DNAH6: variants seen among roughly 807,000 people sequenced by gnomAD.
The protein encoded by DNAH6 is dynein axonemal heavy chain 6.
In DNAH6, 340 loss-of-function variants were observed where a neutral mutation model predicts 491.4. The ratio of observed to expected loss-of-function variants is 0.69; its 90% CI spans 0.63 to 0.76. The LOEUF is 0.76. Ranked by LOEUF, DNAH6 falls within the 30% of genes least tolerant of loss-of-function variation. The pLI, the probability that DNAH6 is intolerant of heterozygous loss-of-function variation, is 0.00. For missense variants in DNAH6, 4,443 were observed against 4,972.2 expected (o/e 0.89, Z 3.20); for synonymous variants, 1,603 against 1,686.1 (o/e 0.95, Z 1.21).
At chr2:84,709,147 G>C (rs1296508113) in intron 54 of DNAH6, among the ~76,000 whole-genome samples, 196 bp from the exon 55 acceptor site, 3 of 152,172 alleles carry the variant, frequency 2.0e-5, no homozygotes, top group African/African-American at 7.2e-5. Flanking sequence ...TCTAACTAAT[G>C]GTATAGTCAG....
intron 16 of DNAH6, among the ~76,000 whole-genome samples, chr2:84,591,891 A>G (rs1684152383): frequency 6.6e-6 from 1 of 152,212 alleles, no homozygotes; most frequent in African/African-American, 2.4e-5. Flanking sequence ...AAGGAACTGG[A>G]TATTCATATG....
At chr2:84,475,656 A>G in the DNAH6 span, among the ~76,000 whole-genome samples, 1 of 152,198 alleles carries the variant, frequency 6.6e-6, no homozygotes, top group Non-Finnish European at 1.5e-5. Context: ...TAATATATTC[A>G]GTTAAATGAG....
chr2:84,787,304 T>C lies in DNAH6; in HGVS notation c.11239+2T>C, dbSNP rs919764891. Reference sequence around the variant, plus strand: ...GGGATGCACTAATTTACATTACTGGTGAGTACGTCCTTGTGGCCAGGCCTT... The same window carrying C: ...GGGATGCACTAATTTACATTACTGGCGAGTACGTCCTTGTGGCCAGGCCTT... On this transcript the variant is annotated splice_donor_variant, in intron 68 of 76. Transcript: ENST00000389394. LOFTEE classifies it high-confidence loss of function. 1.9e-6 allele frequency: 3 copies of C among 1,548,248 alleles called. No individual in the cohort carries two copies. The highest frequency in any genetic ancestry group is 8.7e-7 in the Non-Finnish European group (1 of 1,145,574).
intron 30 of DNAH6, 127 bp downstream of exon 30, chr2:84,634,768 C>CT: frequency 8.5e-7 from 1 of 1,174,352 alleles, no homozygotes; most frequent in Non-Finnish European, 1.1e-6. Flanking sequence ...CCCAAGGGGA[C>CT]CTTGGCTCTC....
At chr2:84,575,372 T>A (rs1375019009) in intron 12 of DNAH6, among the ~76,000 whole-genome samples, 5 of 152,210 alleles carry the variant, frequency 3.3e-5, no homozygotes, top group Admixed American at 3.3e-4. Context: ...CATTTACTAA[T>A]AATTTCTACA....
Position 84,745,204 on chromosome 2 carries a change from T to C in DNAH6, c.10467T>C (p.Ser3489=). The change falls in exon 63 of 77, where the codon AGT becomes AGC. Residue 3489 remains serine (S), a synonymous_variant. Transcript: ENST00000389394. ...AAGATCCATGGAGTGCAGGATTGAGTTCTTTCCATAAGCTAATTCTTATTA... is the reference window on the plus strand; with the variant it reads ...AAGATCCATGGAGTGCAGGATTGAGCTCTTTCCATAAGCTAATTCTTATTA... ...AHQDPWSAGL[S]SFHKLILIKC... is the part of the protein sequence containing the mutation. 6.5e-7 allele frequency: 1 copy of C among 1,537,676 alleles called. No individual in the cohort carries two copies. Among genetic ancestry groups the C allele is most frequent in the Non-Finnish European group, 8.8e-7 (1 of 1,141,792 alleles).
intron 12 of DNAH6, among the ~76,000 whole-genome samples, chr2:84,575,740 C>T (rs1306143064): frequency 2.0e-5 from 3 of 152,088 alleles, no homozygotes; most frequent in Non-Finnish European, 4.4e-5. Flanking sequence ...AAAAATTAGC[C>T]GGGTGTGGTG....
Position 84,713,114 on chromosome 2 carries a change from CA to C in DNAH6, c.9399del (p.Ala3134LeufsTer2). ...LLEELKETLD[P>X]ALEPILLKQI... is the part of the protein sequence containing the mutation. ...TCTAAGCTTAAGGAAACCTTGGATC[CA>C]GCTCTAGAACCCATTCTTTTGAAAC... On this transcript the variant is annotated frameshift_variant, in exon 57 of 77. Coordinates refer to ENST00000389394, the MANE Select transcript of DNAH6 (RefSeq NM_001370.2). LOFTEE classifies it high-confidence loss of function. The C allele has an allele frequency of 6.4e-7, 1 of 1,550,546 alleles. No homozygotes were observed. Among genetic ancestry groups the C allele is most frequent in the South Asian group, 1.2e-5 (1 of 83,870 alleles).
intron 22 of DNAH6, among the ~76,000 whole-genome samples, chr2:84,615,932 A>T (rs1573231887): frequency 1.3e-5 from 2 of 152,032 alleles, no homozygotes. Flanking sequence ...TTCATTGATC[A>T]GGTCTAGGAG....
intron 15 of DNAH6, 128 bp downstream of exon 15, chr2:84,584,378 C>T (rs1010108193): frequency 5.7e-5 from 54 of 951,210 alleles, no homozygotes; most frequent in Middle Eastern, 6.6e-4. Context: ...TTTTGATATA[C>T]GTATACATTG....
intron 63 of DNAH6, among the ~76,000 whole-genome samples, chr2:84,746,191 G>A (rs902489063): frequency 6.6e-6 from 1 of 152,192 alleles, no homozygotes; most frequent in Non-Finnish European, 1.5e-5. Flanking sequence ...ATATGAATTA[G>A]AAATAGAGAT....
chr2:84,777,629 G>A (rs1676271533), intron 64 of DNAH6: 2 of 804,192 alleles, frequency 2.5e-6, no homozygotes, highest in Admixed American at 1.7e-5. Context: ...GGAGACATCA[G>A]CAACATTCAC....
At chr2:84,551,932 C>CA (rs2104562533) in intron 9 of DNAH6, among the ~76,000 whole-genome samples, 1 of 152,100 alleles carries the variant, frequency 6.6e-6, no homozygotes, top group South Asian at 2.1e-4. Context: ...CCTATAATCC[C>CA]AGCTACTCAG....
intron 46 of DNAH6, 58 bp downstream of exon 46, chr2:84,694,538 G>A (rs1695201030): frequency 1.5e-6 from 2 of 1,297,182 alleles, no homozygotes; most frequent in Non-Finnish European, 2.2e-6. Flanking sequence ...TTACAATCGG[G>A]TGTGTGCTTT....
chr2:84,538,484 C>A (rs1159381), intron 4 of DNAH6, among the ~76,000 whole-genome samples: 2,261 of 152,214 alleles, frequency 0.015, 36 homozygotes, highest in Middle Eastern at 0.092. Flanking sequence ...TATGGCGGAG[C>A]CTTCCCCCAA....
chr2:84,815,618 A>T (rs936617140), intron 75 of DNAH6, among the ~76,000 whole-genome samples: 1 of 152,228 alleles, frequency 6.6e-6, no homozygotes, highest in Non-Finnish European at 1.5e-5. Context: ...CTTGCTAAGA[A>T]TAACAGACGA....
intron 13 of DNAH6, among the ~76,000 whole-genome samples, chr2:84,578,311 A>G (rs1212469815): frequency 6.6e-6 from 1 of 152,144 alleles, no homozygotes; most frequent in East Asian, 1.9e-4. Context: ...AATTGGAGCA[A>G]ATTTAATTCA....
At position 84,703,691 on chromosome 2, in the gene DNAH6, GT is replaced by G. The variant is rs11424668; in HGVS notation, c.8229+142del. 0.03 allele frequency: 20,530 copies of G among 675,602 alleles called. 532 individuals are homozygous for G. The highest frequency in any genetic ancestry group is 0.16 in the African/African-American group (8,401 of 53,382). 41.9% of individuals were successfully genotyped at this position (675,602 alleles called of 1,614,324 possible). A position where few individuals can be genotyped will look rare whatever the true frequency, so the allele number is the denominator to read the frequency against. On this transcript the variant is annotated intron_variant, in intron 50 of 76. Transcript: ENST00000389394. ...ATAATTAAGTGATAGATTTAGCAAAGTTTTTTTTTTTTTAGCAATTTAGCAA... is the reference window on the plus strand; with the variant it reads ...ATAATTAAGTGATAGATTTAGCAAAGTTTTTTTTTTTTAGCAATTTAGCAA...
At chr2:84,752,876 G>T (rs1673605784) in intron 63 of DNAH6, among the ~76,000 whole-genome samples, 1 of 151,994 alleles carries the variant, frequency 6.6e-6, no homozygotes, top group African/African-American at 2.4e-5. Flanking sequence ...ATAAACATTT[G>T]TGTACAAGTT....
Sources: gnomAD v4.1 joint callset for allele counts (sites outside exome capture counted in the v4.1 genomes callset) on GRCh38, gnomAD v4.1.1 for gene constraint, MANE v1.5 for transcripts, NCBI Gene and HGNC (gene_info 2026-07-23, HGNC 2026-07-21) for gene names.